MTR: variants seen among roughly 807,000 people sequenced by gnomAD.
MTR encodes the protein 5-methyltetrahydrofolate-homocysteine methyltransferase.
In MTR, 84 loss-of-function variants were observed where a neutral mutation model predicts 154.8. The observed-to-expected ratio is 0.54, with a 90% CI of 0.45 to 0.65. MTR has a LOEUF of 0.65. Among genes scored for constraint, MTR ranks in the 30% least tolerant of loss-of-function variants. The probability of loss-of-function intolerance (pLI) is 0.00; values close to 1 mark genes in which losing one functional copy is unlikely to be tolerated. For synonymous variants in MTR, 554 were observed against 553.9 expected, an observed-to-expected ratio of 1.00 and a Z score of 0.00; for missense variants, 1,275 against 1,570.2, an observed-to-expected ratio of 0.81 and a Z score of 3.18.
intron 22 of MTR, among the ~76,000 whole-genome samples, chr1:236,871,346 G>A (rs192866251): frequency 1.1e-3 from 163 of 152,022 alleles, no homozygotes; most frequent in Admixed American, 1.8e-3. Context: ...ATCCTTCTCC[G>A]TTTCTGTTCC....
Position 236,899,055 on chromosome 1 carries a change from G to A in MTR, c.*1411G>A, listed in dbSNP as rs1331642006. 1.3e-5 allele frequency: 2 copies of A among 152,086 alleles called. No homozygotes were observed. Among genetic ancestry groups the A allele is most frequent in the African/African-American group, 4.8e-5 (2 of 41,384 alleles). The allele number at this position is 152,086 out of a possible 1,614,324, so 9.4% of individuals were successfully genotyped here. On this transcript the variant is annotated 3_prime_UTR_variant, in exon 33 of 33. Coordinates refer to ENST00000366577, the MANE Select transcript of MTR (RefSeq NM_000254.3). ...AGGATGAAGACGAAGAAGCAAGGGAGGAACAAATGAAGAACCATCTTTGTT... is the reference window on the plus strand; with the variant it reads ...AGGATGAAGACGAAGAAGCAAGGGAAGAACAAATGAAGAACCATCTTTGTT...
chr1:236,859,781 A>C, intron 18 of MTR, 52 bp from the exon 19 acceptor site: 2 of 1,401,308 alleles, frequency 1.4e-6, no homozygotes, highest in South Asian at 2.3e-5. Context: ...GCCATCAAAC[A>C]GTTTGGTTAG....
chr1:236,803,339 G>T, intron 1 of MTR, 89 bp from the exon 2 acceptor site: 1 of 1,239,362 alleles, frequency 8.1e-7, no homozygotes, highest in Non-Finnish European at 1.2e-6. Flanking sequence ...CTCCTTATTG[G>T]AGATTATTAT....
At chr1:236,856,788 T>C (rs1036142082) in intron 18 of MTR, among the ~76,000 whole-genome samples, 6 of 152,164 alleles carry the variant, frequency 3.9e-5, no homozygotes, top group Non-Finnish European at 1.5e-5. Context: ...AGTGTTTCGT[T>C]TTCTGTTCCT....
intron 8 of MTR, among the ~76,000 whole-genome samples, chr1:236,820,852 A>G (rs1661895087): frequency 6.6e-6 from 1 of 152,200 alleles, no homozygotes; most frequent in Admixed American, 6.5e-5. Flanking sequence ...CCATTCTAAT[A>G]GGTGTATAGT....
chr1:236,878,365 T>G (rs2147893852), intron 24 of MTR, among the ~76,000 whole-genome samples: 1 of 152,260 alleles, frequency 6.6e-6, no homozygotes, highest in East Asian at 1.9e-4. Context: ...TAGCAGTAGC[T>G]CATTAGCTCA....
intron 14 of MTR, among the ~76,000 whole-genome samples, chr1:236,836,475 A>G (rs929922813): frequency 6.6e-5 from 10 of 152,280 alleles, no homozygotes; most frequent in South Asian, 2.1e-4. Context: ...GTCTCAATCA[A>G]TCCTCCTGCC....
chr1:236,820,282 G>A (rs114195114), intron 8 of MTR: 9,576 of 753,666 alleles, frequency 0.013, 485 homozygotes, highest in African/African-American at 0.12. Context: ...AGAGCAGGCT[G>A]CTACTGAAAA....
intron 28 of MTR, 52 bp from the exon 29 acceptor site, chr1:236,891,081 G>A: frequency 1.3e-6 from 2 of 1,584,890 alleles, no homozygotes; most frequent in Non-Finnish European, 1.7e-6. Context: ...AGCATTGTTT[G>A]ATGGTTATTT....
At position 236,901,484 on chromosome 1, in the gene MTR, C is replaced by G. The variant is rs991520136; in HGVS notation, c.*3840C>G. On this transcript the variant is annotated 3_prime_UTR_variant, in exon 33 of 33. Transcript: ENST00000366577. ...CCCAACTTCCAGGGAGACTGAATTT[C>G]TTCTGCCAGTCAGTAACACCATCAA... is the stretch of plus-strand genomic sequence containing the variant. 1 of 152,266 alleles carries G rather than the reference C, an allele frequency of 6.6e-6. No homozygotes were observed. The highest frequency in any genetic ancestry group is 2.4e-5 in the African/African-American group (1 of 41,450). The allele number at this position is 152,266 out of a possible 1,614,324, so 9.4% of individuals were successfully genotyped here. A position where few individuals can be genotyped will look rare whatever the true frequency, so the allele number is the denominator to read the frequency against.
intron 7 of MTR, 66 bp downstream of exon 7, chr1:236,815,729 C>A: frequency 6.7e-7 from 1 of 1,503,044 alleles, no homozygotes; most frequent in Non-Finnish European, 9.2e-7. Flanking sequence ...GCATGTTTTT[C>A]CCCCGCTTTG....
chr1:236,896,819 C>T (rs1355838997), intron 31 of MTR, among the ~76,000 whole-genome samples, 187 bp from the exon 32 acceptor site: 2 of 152,206 alleles, frequency 1.3e-5, no homozygotes, highest in Non-Finnish European at 2.9e-5. Flanking sequence ...GAATTTGTTT[C>T]TTCACCTGGC....
intron 14 of MTR, 116 bp from the exon 15 acceptor site, chr1:236,838,298 C>T: frequency 9.5e-7 from 1 of 1,050,638 alleles, no homozygotes; most frequent in Non-Finnish European, 1.4e-6. Flanking sequence ...TGACATACTA[C>T]TATTTTTTGT....
chr1:236,835,433 C>T (rs141091560), intron 13 of MTR, 114 bp from the exon 14 acceptor site: 274 of 1,329,358 alleles, frequency 2.1e-4, no homozygotes, highest in Non-Finnish European at 2.7e-4. Flanking sequence ...GGGAGTCTGG[C>T]GAGGTAGTCT....
chr1:236,859,930 A>G lies in MTR; in HGVS notation c.2043+8A>G, dbSNP rs1238124829. On this transcript the variant is annotated splice_region_variant and intron_variant, in intron 19 of 32. Coordinates refer to ENST00000366577, the MANE Select transcript of MTR (RefSeq NM_000254.3). ...GAGTATGCCCTTGTGAAGGTAAGTT[A>G]CAGGGGCCTGAACTGGAGGGCTGGA... 5 of 1,612,768 alleles carry G rather than the reference A, an allele frequency of 3.1e-6. No homozygotes were observed. The highest frequency in any genetic ancestry group is 3.3e-5 in the Admixed American group (2 of 59,994).
At chr1:236,840,448 C>T (rs1663162323) in intron 15 of MTR, among the ~76,000 whole-genome samples, 2 of 152,102 alleles carry the variant, frequency 1.3e-5, no homozygotes, top group Admixed American at 6.5e-5. Context: ...TTCATCAGGG[C>T]CTGTGCTAAA....
At chr1:236,897,168 C>G in intron 32 of MTR, 50 bp downstream of exon 32, 1 of 1,313,560 alleles carries the variant, frequency 7.6e-7, no homozygotes, top group African/African-American at 1.5e-5. Flanking sequence ...AAATGAAATT[C>G]TAGAACCTCT....
chr1:236,827,964 C>G (rs866828280), intron 11 of MTR, among the ~76,000 whole-genome samples: 1 of 151,994 alleles, frequency 6.6e-6, no homozygotes, highest in Non-Finnish European at 1.5e-5. Context: ...ATGTGATAGA[C>G]TCTTAGTAAA....
rs764148198 is a variant in MTR at position 236,812,814 on chromosome 1, T to G, written c.579T>G (p.Ile193Met). ...LLDGGVDILL[I>M]ETIFDTANAK... ...ATGGCGGGGTTGATATCTTACTCAT[T>G]GAAACTATTTTTGATACTGCCAATG... The change falls in exon 6 of 33, where the codon ATT becomes ATG. Residue 193 changes from isoleucine (I) to methionine (M), a missense_variant. By Grantham distance (10) the Ile-to-Met change is conservative. Coordinates refer to ENST00000366577, the MANE Select transcript of MTR (RefSeq NM_000254.3). The G allele has an allele frequency of 6.2e-7, 1 of 1,613,906 alleles. No individual in the cohort carries two copies. Among genetic ancestry groups the G allele is most frequent in the African/African-American group, 1.3e-5 (1 of 74,878 alleles).
Sources: allele counts gnomAD v4.1 joint callset (sites outside exome capture counted in the v4.1 genomes callset), GRCh38; gene constraint gnomAD v4.1.1; transcripts MANE v1.5; gene names NCBI Gene and HGNC (gene_info 2026-07-23, HGNC 2026-07-21).